Variants in CACNA1C observed in about 807,000 individuals in gnomAD.
The protein encoded by CACNA1C is calcium voltage-gated channel subunit alpha1 C.
In CACNA1C, 30 loss-of-function variants were observed where a neutral mutation model predicts 229.0. That is an observed-to-expected ratio of 0.13 (90% CI 0.10 to 0.18). The LOEUF is 0.18. CACNA1C is among the 10% of genes least tolerant of loss of function. The pLI is 1.00. For synonymous variants in CACNA1C, 1,114 were observed against 1,132.5 expected (o/e 0.98, Z 0.33); for missense variants, 1,658 against 2,845.0 (o/e 0.58, Z 9.49).
intron 11 of CACNA1C, among the ~76,000 whole-genome samples, chr12:2,561,066 T>C (rs1342662800): frequency 1.3e-5 from 2 of 151,884 alleles, no homozygotes; most frequent in East Asian, 3.9e-4. Context: ...CAGAGGGAGG[T>C]AGTACATTTG....
intron 3 of CACNA1C, among the ~76,000 whole-genome samples, chr12:2,428,868 AGAG>A (rs774985776): frequency 2.0e-5 from 3 of 152,190 alleles, no homozygotes; most frequent in Admixed American, 6.5e-5. Flanking sequence ...TTCTGTGCAA[AGAG>A]GAGAAGCTGG....
chr12:2,235,638 TG>T, intron 3 of CACNA1C, among the ~76,000 whole-genome samples: 1 of 152,276 alleles, frequency 6.6e-6, no homozygotes, highest in Non-Finnish European at 1.5e-5. Flanking sequence ...AGGGATGGGA[TG>T]GGGTGCAGTG....
rs553666957 is a variant in CACNA1C, at chr12:2,419,215, C to T, written c.478-29761C>T. 7.2e-5 allele frequency among the ~76,000 whole-genome samples: 11 copies of T among 152,286 alleles called. No individual in the cohort carries two copies. In the South Asian group the frequency reaches 2.3e-3, roughly 32 times the overall value. The stretch of plus-strand genomic sequence containing the variant: ...ACAGTTCTGCAGGTTGTAAAGGAAA[C>T]TCAGCACCAGCGTCAGCTTCTGATG... On this transcript the variant is annotated intron_variant, in intron 3 of 46. Coordinates refer to ENST00000399655, the MANE Select transcript of CACNA1C (RefSeq NM_000719.7).
At chr12:2,345,392 G>A (rs1489969261) in intron 3 of CACNA1C, among the ~76,000 whole-genome samples, 4 of 152,054 alleles carry the variant, frequency 2.6e-5, no homozygotes, top group African/African-American at 2.4e-5. Context: ...GAAGATTCTC[G>A]GTGAGCATAG....
At chr12:2,372,221 G>A (rs1594463487) in intron 3 of CACNA1C, among the ~76,000 whole-genome samples, 1 of 152,154 alleles carries the variant, frequency 6.6e-6, no homozygotes, top group Non-Finnish European at 1.5e-5. Flanking sequence ...CACAATTCCC[G>A]TCGTCATCTC....
intron 1 of CACNA1C, chr12:1,997,893 A>G: frequency 6.6e-7 from 1 of 1,504,828 alleles, no homozygotes; most frequent in South Asian, 1.2e-5. Context: ...CTAAAATATT[A>G]TTTTGAAGAT....
At chr12:2,210,413 TA>T (rs1341524426) in intron 3 of CACNA1C, among the ~76,000 whole-genome samples, 1 of 152,246 alleles carries the variant, frequency 6.6e-6, no homozygotes, top group Non-Finnish European at 1.5e-5. Flanking sequence ...ACAATAGCTT[TA>T]AGACTTATGC....
chr12:2,610,166 A>G (rs2077019346), intron 27 of CACNA1C, among the ~76,000 whole-genome samples: 2 of 152,156 alleles, frequency 1.3e-5, no homozygotes. Flanking sequence ...TGGCATGGGA[A>G]GTAATCAGTG....
Position 2,493,430 on chromosome 12 carries a change from C to T in CACNA1C, c.1113+44C>T. The T allele has an allele frequency of 6.8e-7, 1 of 1,472,272 alleles. No homozygotes were observed. Among genetic ancestry groups the T allele is most frequent in the Non-Finnish European group, 9.5e-7 (1 of 1,053,622 alleles). The allele number at this position is 1,472,272 out of a possible 1,614,324, so 91.2% of individuals were successfully genotyped here. A position where few individuals can be genotyped will look rare whatever the true frequency, so the allele number is the denominator to read the frequency against. ...CAGTCAGAGGGTGGGGGAACAGCGG[C>T]CGTGAACCCTTCCCTGACACCTCCC... On this transcript the variant is annotated intron_variant, in intron 7 of 46. Coordinates refer to ENST00000399655, the MANE Select transcript of CACNA1C (RefSeq NM_000719.7). The surrounding 1 kb of genome is among the most constrained non-coding windows in gnomAD (Gnocchi z 4.6).
intron 1 of CACNA1C, among the ~76,000 whole-genome samples, chr12:2,071,023 C>T (rs1000110907): frequency 1.6e-5 from 2 of 128,574 alleles, no homozygotes; most frequent in African/African-American, 5.8e-5. Flanking sequence ...TCCTTCCTTC[C>T]TTCCTCCTTC....
chr12:2,351,758 T>A (rs777719979), intron 3 of CACNA1C, among the ~76,000 whole-genome samples: 1 of 152,102 alleles, frequency 6.6e-6, no homozygotes, highest in Non-Finnish European at 1.5e-5. Context: ...GAGAGCGTGT[T>A]TCCTCCCATG....
intron 3 of CACNA1C, among the ~76,000 whole-genome samples, chr12:2,363,490 C>A (rs548367009): frequency 6.6e-6 from 1 of 152,204 alleles, no homozygotes. Flanking sequence ...GGCTATCTGG[C>A]GCTGTTTGCA....
chr12:2,494,846 C>A (rs2099743477), intron 7 of CACNA1C, among the ~76,000 whole-genome samples: 2 of 152,220 alleles, frequency 1.3e-5, no homozygotes, highest in Non-Finnish European at 2.9e-5. Context: ...CTGTAAGTGA[C>A]AACTTGAAAC....
At chr12:2,203,623 T>G (rs1396290671) in intron 3 of CACNA1C, among the ~76,000 whole-genome samples, 1 of 152,114 alleles carries the variant, frequency 6.6e-6, no homozygotes, top group East Asian at 1.9e-4. Context: ...ATCCGCATTC[T>G]TAGGAGGGTT....
intron 3 of CACNA1C, among the ~76,000 whole-genome samples, chr12:2,378,875 T>C (rs955541850): frequency 1.3e-5 from 2 of 152,000 alleles, no homozygotes; most frequent in Non-Finnish European, 2.9e-5. Context: ...TCTTTGCCAA[T>C]AGGCCACCGT....
Position 2,585,434 on chromosome 12 carries a change from A to G in CACNA1C, c.2398A>G (p.Lys800Glu). 6.2e-7 allele frequency: 1 copy of G among 1,605,490 alleles called. No homozygotes were observed. Among genetic ancestry groups the G allele is most frequent in the Non-Finnish European group, 8.5e-7 (1 of 1,175,624 alleles). Residue 800 changes from lysine (K) to glutamate (E), a missense_variant, in exon 17 of 47, where the codon AAG (lysine) becomes GAG (glutamate). Coordinates refer to ENST00000399655, the MANE Select transcript of CACNA1C (RefSeq NM_000719.7). The surrounding 1 kb of genome is among the most constrained non-coding windows in gnomAD (Gnocchi z 4.1). ...LVEKPAVGES[K>E]EEKIELKSIT... ...GGAGAAGCCGGCAGTGGGGGAATCC[A>G]AGGAGGAGAAGATTGAGCTGAAATC...
intron 3 of CACNA1C, among the ~76,000 whole-genome samples, chr12:2,264,594 G>T (rs115162569): frequency 6.6e-6 from 1 of 152,132 alleles, no homozygotes; most frequent in African/African-American, 2.4e-5. Flanking sequence ...GTGTGCTCGT[G>T]GTTCCTCCTG....
intron 1 of CACNA1C, among the ~76,000 whole-genome samples, chr12:1,972,011 A>T (rs570205433): frequency 6.6e-6 from 1 of 152,372 alleles, no homozygotes; most frequent in Non-Finnish European, 1.5e-5. Context: ...GTAAAATTTA[A>T]ATAGGCAGGA....
In CACNA1C at chr12:2,416,699, C is replaced by T. The variant is rs1038035213; in HGVS notation, c.478-32277C>T. On this transcript the variant is annotated intron_variant, in intron 3 of 46. Coordinates refer to ENST00000399655, the MANE Select transcript of CACNA1C (RefSeq NM_000719.7). ...GGACTCCACCCACCATGCCAGGGAA[C>T]GTCTCCATCAGAAGTGGGAGAAGAG... Among the ~76,000 whole-genome samples the T allele has an allele frequency of 6.6e-5, 10 of 152,192 alleles. No individual in the cohort carries two copies. The East Asian group carries it at 1.3e-3, about 20-fold the overall frequency.
Sources: allele counts gnomAD v4.1 joint callset (sites outside exome capture counted in the v4.1 genomes callset), GRCh38; gene constraint gnomAD v4.1.1; non-coding constraint Gnocchi (gnomAD v3.1); transcripts MANE v1.5; gene names NCBI Gene and HGNC (gene_info 2026-07-23, HGNC 2026-07-21).